The following HPSE2 variants were observed in gnomAD, a reference collection of about 807,000 sequenced individuals.
HPSE2 encodes inactive heparanase-2.
HPSE2 carries 38 observed loss-of-function variants against 60.5 expected under a neutral mutation model. The observed-to-expected ratio is 0.63, with a 90% CI of 0.48 to 0.82. The LOEUF (loss-of-function observed/expected upper bound fraction) is 0.82. Ranked by LOEUF, HPSE2 falls within the 40% of genes least tolerant of loss-of-function variation. The pLI, the probability that HPSE2 is intolerant of heterozygous loss-of-function variation, is 0.00. For missense variants in HPSE2, 713 were observed against 740.4 expected, an observed-to-expected ratio of 0.96 and a Z score of 0.43; for synonymous variants, 295 against 293.2, an observed-to-expected ratio of 1.01 and a Z score of -0.06.
chr10:98,901,494 G>A (rs528941567), intron 3 of HPSE2, among the ~76,000 whole-genome samples: 1 of 152,276 alleles, frequency 6.6e-6, no homozygotes, highest in Admixed American at 6.5e-5. Flanking sequence ...TATTTCTTAT[G>A]TCTGAAGCTT....
chr10:99,090,934 G>T (rs1003809029), intron 3 of HPSE2, among the ~76,000 whole-genome samples: 2 of 152,010 alleles, frequency 1.3e-5, no homozygotes, highest in Admixed American at 6.6e-5. Context: ...TACTGTTTTA[G>T]TTTATCAGTC....
intron 9 of HPSE2, among the ~76,000 whole-genome samples, chr10:98,513,315 A>T (rs139480272): frequency 1.3e-5 from 2 of 152,320 alleles, no homozygotes; most frequent in Non-Finnish European, 2.9e-5. Flanking sequence ...AGATGTGAGT[A>T]ATAGTGGGAG....
chr10:98,723,704 T>C (rs1037607870), intron 4 of HPSE2, among the ~76,000 whole-genome samples: 6 of 152,234 alleles, frequency 3.9e-5, no homozygotes, highest in African/African-American at 1.2e-4. Context: ...AGAGTGTATG[T>C]GTCAAGGAAT....
At chr10:98,595,627 T>A (rs1427850461) in intron 9 of HPSE2, among the ~76,000 whole-genome samples, 1 of 152,232 alleles carries the variant, frequency 6.6e-6, no homozygotes, top group Non-Finnish European at 1.5e-5. Flanking sequence ...TTTCCTTATA[T>A]AAGATCATGT....
upstream of HPSE2, among the ~76,000 whole-genome samples, chr10:99,239,621 G>T (rs2133962467): frequency 6.6e-6 from 1 of 151,490 alleles, no homozygotes; most frequent in African/African-American, 2.4e-5. Context: ...GTAGAGACGG[G>T]GCTTCACCGT....
chr10:98,618,709 T>C (rs1349809136), intron 8 of HPSE2, among the ~76,000 whole-genome samples: 2 of 152,178 alleles, frequency 1.3e-5, no homozygotes, highest in African/African-American at 4.8e-5. Flanking sequence ...CCCAAGTAGC[T>C]GGGACTACAG....
chr10:99,051,949 TA>T lies in HPSE2; in HGVS notation c.610+92288del, dbSNP rs200859034. Among the ~76,000 whole-genome samples, 477 of 144,772 alleles carry T rather than the reference TA, an allele frequency of 3.3e-3. 1 individual carries two copies. Among genetic ancestry groups the T allele is most frequent in the African/African-American group, 8.3e-3 (330 of 39,752 alleles). 95.0% of individuals were successfully genotyped at this position (144,772 alleles called of 152,430 possible). A position where few individuals can be genotyped will look rare whatever the true frequency, so the allele number is the denominator to read the frequency against. ...AATAACTATGCTGTCTGCTTGAAAT[TA>T]AAAAAAAAAAATCACTCTTTAGGGA... On this transcript the variant is annotated intron_variant, in intron 3 of 11. Transcript: ENST00000370552.
rs1407974134 is a variant in HPSE2, at chr10:98,692,773, AAAC to A, written c.1004+1124_1004+1126del. On this transcript the variant is annotated intron_variant, in intron 6 of 11. Coordinates refer to ENST00000370552, the MANE Select transcript of HPSE2 (RefSeq NM_021828.5). ...GACAGAGCGAGACTCTGTCTCAAAC[AAAC>A]AAACAAACAAACAAACTGAAGAAGA... is the stretch of plus-strand genomic sequence containing the variant. Among the ~76,000 whole-genome samples the A allele has an allele frequency of 3.8e-4, 58 of 152,280 alleles. 1 individual carries two copies. The East Asian group carries it at 8.7e-3, about 23-fold the overall frequency.
intron 6 of HPSE2, among the ~76,000 whole-genome samples, chr10:98,671,616 C>A (rs1947509357): frequency 6.6e-6 from 1 of 152,130 alleles, no homozygotes; most frequent in African/African-American, 2.4e-5. Flanking sequence ...TTCTTCACCC[C>A]CGCCCCTTGT....
intron 3 of HPSE2, among the ~76,000 whole-genome samples, chr10:98,882,520 C>A (rs1003403676): frequency 1.3e-5 from 2 of 151,928 alleles, no homozygotes. Flanking sequence ...TTTCCTTGTA[C>A]TAGTGACTCT....
chr10:98,722,339 C>T (rs1051439549), intron 4 of HPSE2, among the ~76,000 whole-genome samples: 6 of 151,270 alleles, frequency 4.0e-5, no homozygotes, highest in Non-Finnish European at 5.9e-5. Flanking sequence ...AGAGATGTTG[C>T]TAGGCTAAGC....
At chr10:99,180,718 C>G (rs1452322651) in intron 2 of HPSE2, among the ~76,000 whole-genome samples, 1 of 151,666 alleles carries the variant, frequency 6.6e-6, no homozygotes, top group Admixed American at 6.6e-5. Flanking sequence ...AATCCCGTCT[C>G]TACTAAAATA....
intron 3 of HPSE2, among the ~76,000 whole-genome samples, chr10:99,050,752 G>A (rs1324336759): frequency 6.6e-6 from 1 of 152,116 alleles, no homozygotes; most frequent in African/African-American, 2.4e-5. Flanking sequence ...AATGAAATAA[G>A]CCAGGCATGG....
chr10:98,866,238 A>G lies in HPSE2; in HGVS notation c.611-122182T>C, dbSNP rs558937967. 2.6e-5 allele frequency among the ~76,000 whole-genome samples: 4 copies of G among 152,264 alleles called. No individual in the cohort carries two copies. In the East Asian group the frequency reaches 7.7e-4, roughly 29 times the overall value. On this transcript the variant is annotated intron_variant, in intron 3 of 11. Transcript: ENST00000370552. ...ACAATGTGTGAGACAAAAAATACAC[A>G]AAGGTTTAACAGTAGATTAGACAAT...
intron 9 of HPSE2, among the ~76,000 whole-genome samples, chr10:98,584,396 C>A (rs1016590572): frequency 6.6e-6 from 1 of 152,152 alleles, no homozygotes; most frequent in Admixed American, 6.5e-5. Flanking sequence ...CCTTAGTAAC[C>A]TGACTTTACC....
chr10:98,735,887 T>C (rs1310220209), intron 4 of HPSE2, among the ~76,000 whole-genome samples: 1 of 152,196 alleles, frequency 6.6e-6, no homozygotes, highest in Non-Finnish European at 1.5e-5. Context: ...TTGCCTTGTC[T>C]CAGATGAGAC....
intron 9 of HPSE2, among the ~76,000 whole-genome samples, chr10:98,592,057 TA>T (rs1486697055): frequency 1.3e-5 from 2 of 152,248 alleles, no homozygotes. Flanking sequence ...TGTTGGAACT[TA>T]AGCTTCAGTT....
intron 2 of HPSE2, among the ~76,000 whole-genome samples, chr10:99,188,447 T>C (rs540521089): frequency 2.0e-5 from 3 of 152,336 alleles, no homozygotes; most frequent in African/African-American, 7.2e-5. Flanking sequence ...TTAAAGGTGA[T>C]AGGGAAGAGG....
intron 9 of HPSE2, among the ~76,000 whole-genome samples, chr10:98,610,569 T>G (rs979278868): frequency 6.6e-6 from 1 of 152,266 alleles, no homozygotes; most frequent in East Asian, 1.9e-4. Flanking sequence ...CTGAAATGAA[T>G]GTATATGATT....
Sources: gnomAD v4.1 joint callset for allele counts (sites outside exome capture counted in the v4.1 genomes callset) on GRCh38, gnomAD v4.1.1 for gene constraint, MANE v1.5 for transcripts, NCBI Gene and HGNC (gene_info 2026-07-23, HGNC 2026-07-21) for gene names.